Variants in IKBKB observed in about 807,000 individuals in gnomAD.
IKBKB encodes inhibitor of nuclear factor kappa-B kinase subunit beta.
In IKBKB, 42 loss-of-function variants were observed where a neutral mutation model predicts 113.6. The ratio of observed to expected loss-of-function variants is 0.37; its 90% confidence interval spans 0.29 to 0.48. IKBKB has a LOEUF of 0.48. Ranked by LOEUF, IKBKB falls within the 20% of genes least tolerant of loss-of-function variation. The probability of loss-of-function intolerance (pLI) is 0.99; values close to 1 mark genes in which losing one functional copy is unlikely to be tolerated. For synonymous variants in IKBKB, 296 were observed against 361.3 expected (o/e 0.82, Z 2.05); for missense variants, 673 against 939.7 (o/e 0.72, Z 3.71).
intron 2 of IKBKB, among the ~76,000 whole-genome samples, chr8:42,285,703 C>T (rs527339435): frequency 6.6e-6 from 1 of 152,350 alleles, no homozygotes; most frequent in African/African-American, 2.4e-5. Context: ...GATGCCCATG[C>T]CTACTGCCGC....
At chr8:42,282,445 G>T (rs1029764691) in intron 2 of IKBKB, among the ~76,000 whole-genome samples, 2 of 152,166 alleles carry the variant, frequency 1.3e-5, no homozygotes, top group African/African-American at 4.8e-5. Flanking sequence ...GGGCTCTAGC[G>T]ATCTACCTGC....
intron 2 of IKBKB, among the ~76,000 whole-genome samples, chr8:42,275,030 C>T (rs1808785506): frequency 6.6e-6 from 1 of 151,766 alleles, no homozygotes; most frequent in African/African-American, 2.4e-5. Context: ...CCGTGCACCA[C>T]CACGCCTGGC....
intron 2 of IKBKB, among the ~76,000 whole-genome samples, chr8:42,274,440 T>C (rs1808488520): frequency 6.6e-6 from 1 of 152,108 alleles, no homozygotes; most frequent in African/African-American, 2.4e-5. Flanking sequence ...TCTCTCCCTA[T>C]TTCCCTCCAC....
chr8:42,318,499 T>C (rs745638858), intron 12 of IKBKB, 53 bp from the exon 13 acceptor site: 2 of 1,590,984 alleles, frequency 1.3e-6, no homozygotes, highest in Non-Finnish European at 1.7e-6. Flanking sequence ...TGGTTAATTG[T>C]AGGAGAGTTA....
At chr8:42,274,030 C>G (rs1291737995) in intron 2 of IKBKB, among the ~76,000 whole-genome samples, 1 of 151,916 alleles carries the variant, frequency 6.6e-6, no homozygotes, top group Non-Finnish European at 1.5e-5. Context: ...TTGAAATATA[C>G]AATATTTTTT....
Position 42,321,942 on chromosome 8 carries a change from C to T in IKBKB, c.1735C>T (p.Arg579Ter), listed in dbSNP as rs1819856886. ...ELYRRLREKP[R>*]DQRTEGDSQE... ...GTACAGGAGACTAAGGGAAAAACCT[C>T]GAGGTAAGTGGGGTTCTGTGTCTGC... Residue 579 changes from arginine to a stop codon, truncating the protein, a stop_gained, in exon 17 of 22, where the codon CGA (arginine) becomes TGA (stop). Coordinates refer to ENST00000520810, the MANE Select transcript of IKBKB (RefSeq NM_001556.3). LOFTEE classifies it high-confidence loss of function. 1.9e-6 allele frequency: 3 copies of T among 1,613,222 alleles called. No homozygotes were observed. Among genetic ancestry groups the T allele is most frequent in the African/African-American group, 1.3e-5 (1 of 74,956 alleles).
At chr8:42,275,300 G>A (rs1274584247) in intron 2 of IKBKB, among the ~76,000 whole-genome samples, 1 of 151,892 alleles carries the variant, frequency 6.6e-6, no homozygotes, top group Non-Finnish European at 1.5e-5. Flanking sequence ...TGATCCTTCT[G>A]CCTCGGCCTC....
chr8:42,325,266 G>A (rs1278157855), intron 19 of IKBKB: 17 of 985,484 alleles, frequency 1.7e-5, no homozygotes, highest in Non-Finnish European at 2.0e-5. Flanking sequence ...TGGGAGTCAG[G>A]GTGTCCTTGT....
In IKBKB at chr8:42,319,375, C is replaced by G. The variant is rs1819332590; in HGVS notation, c.1470C>G (p.Ile490Met). 6.2e-7 allele frequency: 1 copy of G among 1,614,182 alleles called. No individual in the cohort carries two copies. The highest frequency in any genetic ancestry group is 8.5e-7 in the Non-Finnish European group (1 of 1,180,036). Residue 490 changes from isoleucine (I) to methionine (M), a missense_variant, in exon 14 of 22, where the codon ATC (isoleucine) becomes ATG (methionine). Physicochemically the swap from Ile to Met is conservative, Grantham distance 10 (BLOSUM62 1). Transcript: ENST00000520810. Reference protein sequence around the residue: ...KAKLDFFKTSIQIDLEKYSEQ... With the variant: ...KAKLDFFKTSMQIDLEKYSEQ... ...AGTTGGATTTCTTCAAAACCAGCAT[C>G]CAGATTGACCTGGAGAAGTACAGCG...
At chr8:42,306,991 A>G (rs1278466382) in intron 7 of IKBKB, among the ~76,000 whole-genome samples, 1 of 152,230 alleles carries the variant, frequency 6.6e-6, no homozygotes, top group African/African-American at 2.4e-5. Flanking sequence ...CTGGTGATGC[A>G]GTGGGGAAAA....
intron 2 of IKBKB, among the ~76,000 whole-genome samples, chr8:42,275,696 A>G (rs1260146704): frequency 1.3e-5 from 2 of 152,164 alleles, no homozygotes; most frequent in East Asian, 1.9e-4. Context: ...ATTGATGGAC[A>G]TTTAGGTTGA....
chr8:42,307,519 A>C (rs1379537035), intron 7 of IKBKB, among the ~76,000 whole-genome samples: 1 of 152,192 alleles, frequency 6.6e-6, no homozygotes, highest in Non-Finnish European at 1.5e-5. Context: ...TGTAGAGGGC[A>C]ATTAGATTCC....
chr8:42,317,634 A>G (rs1389489479), intron 11 of IKBKB, 23 bp from the exon 12 acceptor site: 10 of 1,475,652 alleles, frequency 6.8e-6, no homozygotes, highest in Non-Finnish European at 9.5e-6. Context: ...CACAAGATTC[A>G]TTTTGTCCTT....
At chr8:42,290,105 TG>T in intron 3 of IKBKB, 50 bp from the exon 4 acceptor site, 1 of 1,283,558 alleles carries the variant, frequency 7.8e-7, no homozygotes, top group Non-Finnish European at 1.1e-6. Context: ...GTGGTGGGGA[TG>T]GGTCTGGGCA....
intron 5 of IKBKB, among the ~76,000 whole-genome samples, chr8:42,298,972 G>C (rs138860529): frequency 6.6e-6 from 1 of 151,964 alleles, no homozygotes; most frequent in South Asian, 2.1e-4. Context: ...GCTGCTCCTC[G>C]ACGTTCTGTT....
Position 42,317,772 on chromosome 8 carries a change from G to A in IKBKB, c.1240+1G>A, listed in dbSNP as rs1034071197. ...CAACCTGAAAGTGTCAGCTGTATCC[G>A]TAAGAATTTGTTATGTTTTGTTTTT... is the stretch of plus-strand genomic sequence containing the variant. On this transcript the variant is annotated splice_donor_variant, in intron 12 of 21. Coordinates refer to ENST00000520810, the MANE Select transcript of IKBKB (RefSeq NM_001556.3). LOFTEE classifies it high-confidence loss of function. The A allele has an allele frequency of 1.9e-6, 3 of 1,590,762 alleles. No individual in the cohort carries two copies. Among genetic ancestry groups the A allele is most frequent in the Non-Finnish European group, 2.6e-6 (3 of 1,158,756 alleles).
intron 12 of IKBKB, 46 bp from the exon 13 acceptor site, chr8:42,318,506 G>A (rs202140257): frequency 1.2e-6 from 2 of 1,600,300 alleles, no homozygotes; most frequent in African/African-American, 2.7e-5. Context: ...TTGTAGGAGA[G>A]TTATTGTGGT....
intron 11 of IKBKB, 68 bp from the exon 12 acceptor site, chr8:42,317,586 ACTT>A: frequency 2.0e-6 from 2 of 1,007,842 alleles, no homozygotes; most frequent in Non-Finnish European, 1.6e-6. Flanking sequence ...AAGCTGTGGA[ACTT>A]CTTCATTATC....
intron 19 of IKBKB, 53 bp from the exon 20 acceptor site, chr8:42,325,917 G>A (rs894986079): frequency 6.2e-7 from 1 of 1,609,138 alleles, no homozygotes; most frequent in Admixed American, 1.7e-5. Context: ...TGGCGTGAAT[G>A]CAAAATGTGA....
Sources: gnomAD v4.1 joint callset for allele counts (sites outside exome capture counted in the v4.1 genomes callset) on GRCh38, gnomAD v4.1.1 for gene constraint, MANE v1.5 for transcripts, NCBI Gene and HGNC (gene_info 2026-07-23, HGNC 2026-07-21) for gene names.